VGF: variants seen among roughly 807,000 people sequenced by gnomAD.
VGF encodes the protein neurosecretory protein VGF.
In VGF, 13 loss-of-function variants were observed where a neutral mutation model predicts 41.1. The ratio of observed to expected loss-of-function variants is 0.32; its 90% CI spans 0.21 to 0.50. The LOEUF is 0.50. Among genes scored for constraint, VGF ranks in the 20% least tolerant of loss-of-function variants. VGF has a pLI of 0.98. For missense variants in VGF, 920 were observed against 882.1 expected, an observed-to-expected ratio of 1.04 and a Z score of -0.54; for synonymous variants, 473 against 418.3, an observed-to-expected ratio of 1.13 and a Z score of -1.60.
In VGF at chr7:101,163,888, G is replaced by C. The variant is rs865837785; in HGVS notation, c.956C>G (p.Ala319Gly). Reference protein sequence around the residue: ...RQAEATRQAAAQEERLADLAS... With the variant: ...RQAEATRQAAGQEERLADLAS... ...GAGGTCGGCCAGCCGCTCTTCCTGC[G>C]CCGCGGCCTGCCGCGTGGCCTCCGC... Residue 319 changes from alanine to glycine, a missense_variant, in exon 2 of 2, where the codon GCG becomes GGG. Coordinates refer to ENST00000249330, the MANE Select transcript of VGF (RefSeq NM_003378.4). The surrounding 1 kb of genome is among the most constrained non-coding windows in gnomAD (Gnocchi z 5.0). 1.4e-6 allele frequency: 2 copies of C among 1,479,520 alleles called. No individual in the cohort carries two copies. Among genetic ancestry groups the C allele is most frequent in the Non-Finnish European group, 1.8e-6 (2 of 1,125,064 alleles). 91.6% of individuals were successfully genotyped at this position (1,479,520 alleles called of 1,614,324 possible). A position where few individuals can be genotyped will look rare whatever the true frequency, so the allele number is the denominator to read the frequency against.
At chr7:101,167,573 T>C (rs1260373107), upstream of VGF, among the ~76,000 whole-genome samples, 1 of 151,006 alleles carries the variant, frequency 6.6e-6, no homozygotes, top group African/African-American at 2.4e-5. The surrounding 1 kb of genome is among the most constrained non-coding windows in gnomAD (Gnocchi z 4.2). Context: ...CAGAGAGAGA[T>C]GGCTCAGACA....
upstream of VGF, chr7:101,165,673 G>C (rs1017653350): frequency 9.1e-6 from 9 of 985,176 alleles, no homozygotes; most frequent in Non-Finnish European, 1.1e-5. Flanking sequence ...GGAAGCGGGC[G>C]GCCGCCCGGA....
chr7:101,168,020 T>G (rs570910432), upstream of VGF, among the ~76,000 whole-genome samples: 1,082 of 48,616 alleles, frequency 0.022, 15 homozygotes, highest in South Asian at 0.082. Flanking sequence ...TTTTTTTTTG[T>G]TTTTTTTTTT....
At chr7:101,169,794 T>TG (rs1198018236), upstream of VGF, among the ~76,000 whole-genome samples, 1 of 152,208 alleles carries the variant, frequency 6.6e-6, no homozygotes, top group Admixed American at 6.5e-5. Context: ...TACCTGATTC[T>TG]GGGGTACACC....
upstream of VGF, chr7:101,165,650 T>A (rs1797206234): frequency 1.0e-6 from 1 of 984,774 alleles, no homozygotes; most frequent in Non-Finnish European, 1.2e-6. Context: ...TTGACGTCAA[T>A]GTTCATTCAT....
chr7:101,167,392 A>G (rs1797237723), upstream of VGF, among the ~76,000 whole-genome samples: 1 of 150,976 alleles, frequency 6.6e-6, no homozygotes, highest in African/African-American at 2.4e-5. The surrounding 1 kb of genome is among the most constrained non-coding windows in gnomAD (Gnocchi z 4.2). Flanking sequence ...GAAAGGAGGG[A>G]AAAGAGGGGG....
In VGF at chr7:101,165,356, G is replaced by GAAC; in HGVS notation, c.-21+15_-21+17dup. 1.0e-6 allele frequency: 1 copy of GAAC among 985,660 alleles called. No homozygotes were observed. The highest frequency in any genetic ancestry group is 1.2e-6 in the Non-Finnish European group (1 of 830,112). 61.1% of individuals were successfully genotyped at this position (985,660 alleles called of 1,614,324 possible). ...GCTGGCTGCCGAGGGTTTGAGGGAC[G>GAAC]AACAGCGGAGTATTTACCAGCTGGT... On this transcript the variant is annotated intron_variant, in intron 1 of 1. Transcript: ENST00000249330.
Position 101,164,259 on chromosome 7 carries a change from C to T in VGF, c.585G>A (p.Val195=), listed in dbSNP as rs1427734700. 3.1e-6 allele frequency: 5 copies of T among 1,599,164 alleles called. No homozygotes were observed. The highest frequency in any genetic ancestry group is 4.2e-6 in the Non-Finnish European group (5 of 1,176,718). ...GCTCTGGCCCCGGGCTCTCCAGATT[C>T]ACTCGGGTCAGCGTGTGCGTGCGGG... ...TETRTHTLTR[V]NLESPGPERV... The change falls in exon 2 of 2, where the codon GTG becomes GTA. Residue 195 remains valine, a synonymous_variant. Coordinates refer to ENST00000249330, the MANE Select transcript of VGF (RefSeq NM_003378.4).
In VGF at chr7:101,164,451, G is replaced by T; in HGVS notation, c.393C>A (p.Ser131Arg). 6.2e-7 allele frequency: 1 copy of T among 1,604,056 alleles called. No individual in the cohort carries two copies. The highest frequency in any genetic ancestry group is 8.5e-7 in the Non-Finnish European group (1 of 1,178,186). The change falls in exon 2 of 2, where the codon AGC (serine) becomes AGA (arginine). Residue 131 changes from serine to arginine, a missense_variant. Transcript: ENST00000249330. ...GGCGAGGCGGAGCCGCGGGCTCCGG[G>T]CTCTCCGGCGCCGGGAGGCTGTGGG... ...SQTHSLPAPE[S>R]PEPAAPPRPQ...
rs765149813 is a variant in VGF at position 101,164,099 on chromosome 7, C to T, written c.745G>A (p.Glu249Lys). Residue 249 changes from glutamate (E) to lysine (K), a missense_variant, in exon 2 of 2, where the codon GAA becomes AAA. Physicochemically the swap from Glu to Lys is moderately conservative, Grantham distance 56 (BLOSUM62 1). This residue lies in a region of VGF where 654 missense variants were observed against 638.4 expected (regional missense o/e 1.02). Coordinates refer to ENST00000249330, the MANE Select transcript of VGF (RefSeq NM_003378.4). ...GPLPETHKFGEGVSSPKTHLG... is the reference protein window; with the variant it reads ...GPLPETHKFGKGVSSPKTHLG... ...TGTGTTTTGGGGGAGGACACTCCTT[C>T]CCCGAACTTGTGGGTTTCGGGAAGG... 3.5e-5 allele frequency: 53 copies of T among 1,500,812 alleles called. No individual in the cohort carries two copies. The highest frequency in any genetic ancestry group is 4.7e-5 in the Non-Finnish European group (53 of 1,132,588). The allele number at this position is 1,500,812 out of a possible 1,614,324, so 93.0% of individuals were successfully genotyped here.
At chr7:101,166,414 C>A (rs895385782), upstream of VGF, among the ~76,000 whole-genome samples, 19 of 152,160 alleles carry the variant, frequency 1.2e-4, no homozygotes, top group Middle Eastern at 6.8e-3. Context: ...TTCGGCCCAT[C>A]TCTTCCCACA....
At chr7:101,165,786 A>AAATGAATGAATG (rs144873811), upstream of VGF, among the ~76,000 whole-genome samples, 6 of 151,974 alleles carry the variant, frequency 3.9e-5, no homozygotes, top group African/African-American at 1.5e-4. Context: ...GAGCTCCGGG[A>AAATGAATGAATG]AATGAATGAA....
rs1215476799 is a variant in VGF, at chr7:101,162,953, CGCGCGCGGCGGGG to C, written c.*30_*42del. ...CAACACGGAGGGGGGCGCCGGCGCG[CGCGCGCGGCGGGG>C]GCGCGCGGGGGCGGGACCGGGAAGG... On this transcript the variant is annotated 3_prime_UTR_variant, in exon 2 of 2. Coordinates refer to ENST00000249330, the MANE Select transcript of VGF (RefSeq NM_003378.4). This position sits in a 1 kb window ranked among gnomAD's most constrained non-coding sequence, Gnocchi z 4.2. 5 of 1,040,512 alleles carry C rather than the reference CGCGCGCGGCGGGG, an allele frequency of 4.8e-6. 1 individual carries two copies. In the South Asian group the frequency reaches 9.5e-5, roughly 20 times the overall value. The allele number at this position is 1,040,512 out of a possible 1,614,324, so 64.5% of individuals were successfully genotyped here.
chr7:101,163,794 C>T lies in VGF; in HGVS notation c.1050G>A (p.Gly350=). ...GARQRGLGGR[G]LQEAAEERES... ...CTCGCTCCTCCGCCGCCTCCTGCAGCCCCCGACCCCCGAGGCCGCGCTGCC... is the reference window on the plus strand; with the variant it reads ...CTCGCTCCTCCGCCGCCTCCTGCAGTCCCCGACCCCCGAGGCCGCGCTGCC... Residue 350 remains glycine, a synonymous_variant, in exon 2 of 2, where the codon GGG becomes GGA. Coordinates refer to ENST00000249330, the MANE Select transcript of VGF (RefSeq NM_003378.4). This position sits in a 1 kb window ranked among gnomAD's most constrained non-coding sequence, Gnocchi z 5.0. 6.5e-7 allele frequency: 1 copy of T among 1,531,118 alleles called. No homozygotes were observed. The highest frequency in any genetic ancestry group is 8.7e-7 in the Non-Finnish European group (1 of 1,143,218). The allele number at this position is 1,531,118 out of a possible 1,614,324, so 94.8% of individuals were successfully genotyped here.
chr7:101,163,771 C>G lies in VGF; in HGVS notation c.1073G>C (p.Arg358Pro). The change falls in exon 2 of 2, where the codon CGA (arginine) becomes CCA (proline). Residue 358 changes from arginine (R) to proline (P), a missense_variant. Physicochemically the swap from Arg to Pro is moderately radical, Grantham distance 103. Transcript: ENST00000249330. The surrounding 1 kb of genome is among the most constrained non-coding windows in gnomAD (Gnocchi z 5.0). ...CTCCTCCTCCTCCCTTGCACTCTCTCGCTCCTCCGCCGCCTCCTGCAGCCC... is the reference window on the plus strand; with the variant it reads ...CTCCTCCTCCTCCCTTGCACTCTCTGGCTCCTCCGCCGCCTCCTGCAGCCC... Reference protein sequence around the residue: ...GRGLQEAAEERESAREEEEAE... With the variant: ...GRGLQEAAEEPESAREEEEAE... The G allele has an allele frequency of 1.3e-6, 2 of 1,530,474 alleles. No homozygotes were observed. Among genetic ancestry groups the G allele is most frequent in the Non-Finnish European group, 1.8e-6 (2 of 1,142,440 alleles). 94.8% of individuals were successfully genotyped at this position (1,530,474 alleles called of 1,614,324 possible).
At chr7:101,165,137 A>T (rs954793739) in intron 1 of VGF, 5 of 1,138,972 alleles carry the variant, frequency 4.4e-6, no homozygotes, top group Non-Finnish European at 5.4e-6. Context: ...CCACGTACTA[A>T]GCAGCAGCAA....
upstream of VGF, among the ~76,000 whole-genome samples, chr7:101,166,391 C>T (rs976800334): frequency 2.6e-5 from 4 of 152,152 alleles, no homozygotes; most frequent in African/African-American, 2.4e-5. Context: ...TCAAGGCCCC[C>T]CGCTGTGCCC....
At chr7:101,166,388 C>T (rs551574788), upstream of VGF, among the ~76,000 whole-genome samples, 42 of 152,256 alleles carry the variant, frequency 2.8e-4, no homozygotes, top group African/African-American at 8.9e-4. Flanking sequence ...GTGTCAAGGC[C>T]CCCCGCTGTG....
In VGF at chr7:101,164,095, C is replaced by A; in HGVS notation, c.749G>T (p.Gly250Val). 6.7e-7 allele frequency: 1 copy of A among 1,500,782 alleles called. No individual in the cohort carries two copies. The allele number at this position is 1,500,782 out of a possible 1,614,324, so 93.0% of individuals were successfully genotyped here. A position where few individuals can be genotyped will look rare whatever the true frequency, so the allele number is the denominator to read the frequency against. ...TAGGTGTGTTTTGGGGGAGGACACT[C>A]CTTCCCCGAACTTGTGGGTTTCGGG... The part of the protein sequence containing the change: ...PLPETHKFGE[G>V]VSSPKTHLGE... Residue 250 changes from glycine (G) to valine (V), a missense_variant, in exon 2 of 2, where the codon GGA becomes GTA. Coordinates refer to ENST00000249330, the MANE Select transcript of VGF (RefSeq NM_003378.4).
Sources: allele counts gnomAD v4.1 joint callset (sites outside exome capture counted in the v4.1 genomes callset), GRCh38; gene constraint gnomAD v4.1.1; regional missense constraint gnomAD v4.1.1; non-coding constraint Gnocchi (gnomAD v3.1); transcripts MANE v1.5; gene names NCBI Gene and HGNC (gene_info 2026-07-23, HGNC 2026-07-21).